OSBPL5: variants seen among roughly 807,000 people sequenced by gnomAD.
The protein encoded by OSBPL5 is oxysterol binding protein like 5.
A neutral mutation model predicts 111.2 loss-of-function variants in OSBPL5; 71 were observed. The observed-to-expected ratio is 0.64, with a 90% CI of 0.53 to 0.78. The LOEUF is 0.78. Among genes scored for constraint, OSBPL5 ranks in the 30% least tolerant of loss-of-function variants. The pLI is 0.00. For missense variants in OSBPL5, 1,210 were observed against 1,189.3 expected (o/e 1.02, Z -0.26); for synonymous variants, 549 against 513.9 (o/e 1.07, Z -0.93).
intron 1 of OSBPL5, among the ~76,000 whole-genome samples, chr11:3,152,779 T>A (rs1267925634): frequency 6.6e-6 from 1 of 152,130 alleles, no homozygotes; most frequent in African/African-American, 2.4e-5. Flanking sequence ...CCACACTGGA[T>A]GTTGAGCGAG....
intron 1 of OSBPL5, among the ~76,000 whole-genome samples, chr11:3,145,149 C>T (rs1846299182): frequency 6.6e-6 from 1 of 152,250 alleles, no homozygotes; most frequent in South Asian, 2.1e-4. Flanking sequence ...TGCACCTGGG[C>T]TGGCCCCGTG....
At chr11:3,103,784 G>GC (rs201532517) in intron 10 of OSBPL5, among the ~76,000 whole-genome samples, 2,957 of 65,274 alleles carry the variant, frequency 0.045, 118 homozygotes, top group African/African-American at 0.11. Context: ...AGCCTCTGCA[G>GC]TCCCTTCCTG....
chr11:3,145,298 C>T (rs1215423453), intron 1 of OSBPL5, among the ~76,000 whole-genome samples: 1 of 152,230 alleles, frequency 6.6e-6, no homozygotes, highest in Non-Finnish European at 1.5e-5. Flanking sequence ...TGGGGCCCTG[C>T]CCCTCCCTCC....
chr11:3,101,969 G>A (rs1448051721), intron 12 of OSBPL5, among the ~76,000 whole-genome samples: 2 of 152,196 alleles, frequency 1.3e-5, no homozygotes, highest in Admixed American at 1.3e-4. Flanking sequence ...GACACTGTCT[G>A]CTGTCACAGT....
chr11:3,116,194 A>C (rs372171061), intron 7 of OSBPL5, among the ~76,000 whole-genome samples: 49 of 152,292 alleles, frequency 3.2e-4, no homozygotes, highest in African/African-American at 1.1e-3. Context: ...TGTGTTCCAA[A>C]ATTATAGGAA....
At position 3,092,758 on chromosome 11, in the gene OSBPL5, A is replaced by G. The variant is rs2134384572; in HGVS notation, c.2132+109T>C. ...CTGACCCTCCCCCACCGACTCCTCC[A>G]GGGGACAGGCTGAAGGTGAGAGGGA... On this transcript the variant is annotated intron_variant, in intron 18 of 21. Coordinates refer to ENST00000263650, the MANE Select transcript of OSBPL5 (RefSeq NM_020896.4). This position sits in a 1 kb window ranked among gnomAD's most constrained non-coding sequence, Gnocchi z 5.4. The G allele has an allele frequency of 7.1e-7, 1 of 1,400,916 alleles. No individual in the cohort carries two copies. Among genetic ancestry groups the G allele is most frequent in the African/African-American group, 1.4e-5 (1 of 68,980 alleles). 86.8% of individuals were successfully genotyped at this position (1,400,916 alleles called of 1,614,324 possible).
intron 14 of OSBPL5, among the ~76,000 whole-genome samples, chr11:3,099,856 G>T (rs1857393071): frequency 6.6e-6 from 1 of 152,084 alleles, no homozygotes; most frequent in Admixed American, 6.6e-5. Context: ...ATCACCTGAG[G>T]TCGGGAGTTC....
chr11:3,103,788 C>CT lies in OSBPL5; in HGVS notation c.1244+404dup, dbSNP rs1554896307. ...AGCCCCCTTCCAGCCTCTGCAGTCC[C>CT]TTCCTGCCTCTGCAGCCCTCTTCCT... On this transcript the variant is annotated intron_variant, in intron 10 of 21. Coordinates refer to ENST00000263650, the MANE Select transcript of OSBPL5 (RefSeq NM_020896.4). Among the ~76,000 whole-genome samples the CT allele has an allele frequency of 3.2e-3, 197 of 61,246 alleles. 2 individuals carry two copies. The highest frequency in any genetic ancestry group is 8.6e-3 in the Middle Eastern group (1 of 116). 40.2% of individuals were successfully genotyped at this position (61,246 alleles called of 152,430 possible).
rs1846338939 is a variant in OSBPL5 at position 3,146,236 on chromosome 11, G to T, written c.-21-17067C>A. On this transcript the variant is annotated intron_variant, in intron 1 of 21. Coordinates refer to ENST00000263650, the MANE Select transcript of OSBPL5 (RefSeq NM_020896.4). This position sits in a 1 kb window ranked among gnomAD's most constrained non-coding sequence, Gnocchi z 7.8. ...GACAGACACACTGCCCTTATGAGCT[G>T]CGCCCCCACCCCCAAACCCACCTCT... 6.6e-6 allele frequency: 1 copy of T among 152,204 alleles called. No homozygotes were observed. The highest frequency in any genetic ancestry group is 2.1e-4 in the South Asian group (1 of 4,816). The allele number at this position is 152,204 out of a possible 1,614,324, so 9.4% of individuals were successfully genotyped here.
At chr11:3,093,367 T>C in intron 17 of OSBPL5, 160 bp downstream of exon 17, 2 of 1,190,904 alleles carry the variant, frequency 1.7e-6, no homozygotes, top group South Asian at 1.5e-5. Flanking sequence ...CCATCTGTCC[T>C]TTCCAGGACA....
At position 3,165,016 on chromosome 11, in the gene OSBPL5, C is replaced by A. The variant is rs1422046851; in HGVS notation, c.-22+200G>T. The stretch of plus-strand genomic sequence containing the variant: ...TCCCGCGCTCCCCAGCTCCCCAGCG[C>A]GCGACCGGCCCCGCGGCGTGGTTCC... On this transcript the variant is annotated intron_variant, in intron 1 of 21. Transcript: ENST00000263650. The surrounding 1 kb of genome is among the most constrained non-coding windows in gnomAD (Gnocchi z 7.4). 2.0e-5 allele frequency among the ~76,000 whole-genome samples: 3 copies of A among 151,110 alleles called. No individual in the cohort carries two copies. In the East Asian group the frequency reaches 5.9e-4, roughly 30 times the overall value.
At chr11:3,097,892 C>T (rs1857327422) in intron 14 of OSBPL5, among the ~76,000 whole-genome samples, 1 of 152,130 alleles carries the variant, frequency 6.6e-6, no homozygotes, top group Non-Finnish European at 1.5e-5. Flanking sequence ...CACGGTGAAA[C>T]CCCATCTCTA....
Position 3,100,232 on chromosome 11 carries a change from TC to T in OSBPL5, c.1546del (p.Asp516ThrfsTer9). The part of the protein sequence containing the change: ...FYGNSLSALL[D>X]GKATLTFLNR... ...CAGGAAGGTGAGCGTGGCTTTGCCG[TC>T]CAGCAGCGCCGACAGCGAGTTCCCT... On this transcript the variant is annotated frameshift_variant, in exon 14 of 22. Coordinates refer to ENST00000263650, the MANE Select transcript of OSBPL5 (RefSeq NM_020896.4). LOFTEE classifies it high-confidence loss of function. The T allele has an allele frequency of 6.2e-7, 1 of 1,614,006 alleles. No individual in the cohort carries two copies. The highest frequency in any genetic ancestry group is 8.5e-7 in the Non-Finnish European group (1 of 1,179,988).
chr11:3,144,978 G>A (rs578080165), intron 1 of OSBPL5, among the ~76,000 whole-genome samples: 3 of 152,338 alleles, frequency 2.0e-5, no homozygotes, highest in South Asian at 2.1e-4. Flanking sequence ...TTTGGGGGAC[G>A]CTGTTCAGCC....
In OSBPL5 at chr11:3,101,583, G is replaced by A. The variant is rs764769072; in HGVS notation, c.1522+20C>T. On this transcript the variant is annotated intron_variant, in intron 13 of 21. Coordinates refer to ENST00000263650, the MANE Select transcript of OSBPL5 (RefSeq NM_020896.4). ...GCATTTCCCTGAGGCCCCAGGGAGC[G>A]CCCAGGGTGACCCCCTCACCATAAA... is the stretch of plus-strand genomic sequence containing the variant. 9.4e-6 allele frequency: 15 copies of A among 1,601,108 alleles called. No homozygotes were observed. Among genetic ancestry groups the A allele is most frequent in the African/African-American group, 6.7e-5 (5 of 74,598 alleles).
chr11:3,103,859 C>CAGCCCCTTCCTGCCTCT (rs1564830734), intron 10 of OSBPL5, among the ~76,000 whole-genome samples: 1 of 40,586 alleles, frequency 2.5e-5, no homozygotes, highest in Non-Finnish European at 6.1e-5. Context: ...TTCCAGTCTG[C>CAGCCCCTTCCTGCCTCT]GCAGCCCCCT....
intron 10 of OSBPL5, among the ~76,000 whole-genome samples, chr11:3,103,743 CAACCCTCTTCCAG>C (rs1857552896): frequency 2.0e-5 from 1 of 50,976 alleles, no homozygotes; most frequent in Admixed American, 2.1e-4. Flanking sequence ...CCTGCCTCTG[CAACCCTCTTCCAG>C]CTCTGCAGCC....
Position 3,158,904 on chromosome 11 carries a change from G to A in OSBPL5, c.-22+6312C>T, listed in dbSNP as rs116212304. Among the ~76,000 whole-genome samples the A allele has an allele frequency of 3.5e-3, 532 of 152,322 alleles. 4 individuals carry two copies. The highest frequency in any genetic ancestry group is 0.012 in the African/African-American group (504 of 41,558). Reference sequence around the variant, plus strand: ...CCAAGTTCCCTTCTCGGTTCCTGCCGGGGTGTTGCCCGTGTGCAGGAGCCT... The same window carrying A: ...CCAAGTTCCCTTCTCGGTTCCTGCCAGGGTGTTGCCCGTGTGCAGGAGCCT... On this transcript the variant is annotated intron_variant, in intron 1 of 21. Transcript: ENST00000263650.
intron 1 of OSBPL5, among the ~76,000 whole-genome samples, chr11:3,150,820 C>T (rs572212484): frequency 6.6e-6 from 1 of 152,328 alleles, no homozygotes; most frequent in South Asian, 2.1e-4. Context: ...TCACGCACGC[C>T]TGCATCTGTG....
Sources: gnomAD v4.1 joint callset for allele counts (sites outside exome capture counted in the v4.1 genomes callset) on GRCh38, gnomAD v4.1.1 for gene constraint, Gnocchi (gnomAD v3.1) non-coding constraint, MANE v1.5 for transcripts, NCBI Gene and HGNC (gene_info 2026-07-23, HGNC 2026-07-21) for gene names.